TSHZ2: variants seen among roughly 807,000 people sequenced by gnomAD.
TSHZ2 encodes the protein teashirt homolog 2.
A neutral mutation model predicts 74.4 loss-of-function variants in TSHZ2; 21 were observed. The observed-to-expected ratio is 0.28, with a 90% CI of 0.20 to 0.41. TSHZ2 has a LOEUF of 0.41. TSHZ2 is among the 10% of genes least tolerant of loss of function. TSHZ2 has a pLI of 1.00. For synonymous variants in TSHZ2, 540 were observed against 515.3 expected (o/e 1.05, Z -0.65); for missense variants, 1,244 against 1,293.5 (o/e 0.96, Z 0.59).
intron 1 of TSHZ2, among the ~76,000 whole-genome samples, chr20:53,205,757 T>C (rs1989152535): frequency 6.6e-6 from 1 of 152,204 alleles, no homozygotes; most frequent in African/African-American, 2.4e-5. Context: ...AATGCCTTCA[T>C]CTGCTTCTAA....
chr20:53,412,390 T>C (rs1312452558), intron 2 of TSHZ2, among the ~76,000 whole-genome samples: 3 of 152,240 alleles, frequency 2.0e-5, no homozygotes, highest in Non-Finnish European at 4.4e-5. Context: ...AGCTGACCCA[T>C]TGTTGGTTTT....
intron 1 of TSHZ2, among the ~76,000 whole-genome samples, chr20:53,088,103 C>T (rs1176599531): frequency 6.6e-6 from 1 of 152,186 alleles, no homozygotes; most frequent in Non-Finnish European, 1.5e-5. Flanking sequence ...CATAGTTCTG[C>T]TCTGGGACTC....
At chr20:53,275,366 C>G (rs184896336) in intron 2 of TSHZ2, among the ~76,000 whole-genome samples, 28 of 152,030 alleles carry the variant, frequency 1.8e-4, no homozygotes, top group Non-Finnish European at 2.9e-5. Flanking sequence ...ATATTATGAG[C>G]CATTTTCATA....
At chr20:53,101,960 CATT>C (rs1186573671) in intron 1 of TSHZ2, among the ~76,000 whole-genome samples, 3 of 152,012 alleles carry the variant, frequency 2.0e-5, no homozygotes, top group African/African-American at 7.2e-5. Context: ...AATTTGTCCT[CATT>C]GTTGGAATAT....
intron 1 of TSHZ2, among the ~76,000 whole-genome samples, chr20:52,984,578 G>T (rs554450556): frequency 5.3e-5 from 8 of 152,154 alleles, no homozygotes; most frequent in Non-Finnish European, 7.3e-5. Context: ...CGGGGAGGGT[G>T]AGCAGGGAGG....
chr20:53,085,687 C>T (rs1985677940), intron 1 of TSHZ2, among the ~76,000 whole-genome samples: 1 of 152,142 alleles, frequency 6.6e-6, no homozygotes, highest in South Asian at 2.1e-4. Context: ...AAGGACTTTC[C>T]CCAGGATAAA....
intron 1 of TSHZ2, among the ~76,000 whole-genome samples, chr20:52,998,376 C>T (rs1476313486): frequency 6.6e-6 from 1 of 152,174 alleles, no homozygotes; most frequent in Non-Finnish European, 1.5e-5. Flanking sequence ...GCCATGTTGG[C>T]CAGGCTGGTC....
intron 1 of TSHZ2, among the ~76,000 whole-genome samples, chr20:52,980,647 A>C (rs1487712809): frequency 1.3e-5 from 2 of 152,224 alleles, no homozygotes; most frequent in Admixed American, 6.5e-5. Flanking sequence ...AATAGTTACG[A>C]AGGGCAGAAT....
chr20:53,335,876 C>T (rs1477641178), intron 2 of TSHZ2, among the ~76,000 whole-genome samples: 1 of 152,172 alleles, frequency 6.6e-6, no homozygotes, highest in Non-Finnish European at 1.5e-5. Flanking sequence ...TATTAAACAT[C>T]GCTATCACAT....
chr20:53,256,411 G>A lies in TSHZ2; in HGVS notation c.2953G>A (p.Ala985Thr). 1 of 1,614,028 alleles carries A rather than the reference G, an allele frequency of 6.2e-7. No homozygotes were observed. The highest frequency in any genetic ancestry group is 8.5e-7 in the Non-Finnish European group (1 of 1,179,902). Residue 985 changes from alanine (A) to threonine (T), a missense_variant, in exon 2 of 3, where the codon GCT (alanine) becomes ACT (threonine). Physicochemically the swap from Ala to Thr is moderately conservative, Grantham distance 58. Around this residue, in one of 6 missense-constraint regions of TSHZ2, gnomAD observed 185 missense variants for 213.3 expected, o/e 0.87. Coordinates refer to ENST00000371497, the MANE Select transcript of TSHZ2 (RefSeq NM_173485.6). This position sits in a 1 kb window ranked among gnomAD's most constrained non-coding sequence, Gnocchi z 4.3. ...GGCTCAGAGGTCTCCAGAAACAATAGCTGCCGAAGAGGACACAGACTCTAA... is the reference window on the plus strand; with the variant it reads ...GGCTCAGAGGTCTCCAGAAACAATAACTGCCGAAGAGGACACAGACTCTAA... ...SSAQRSPETI[A>T]AEEDTDSKFK...
At chr20:53,187,896 A>T (rs1346674102) in intron 1 of TSHZ2, among the ~76,000 whole-genome samples, 1 of 152,148 alleles carries the variant, frequency 6.6e-6, no homozygotes, top group Non-Finnish European at 1.5e-5. Context: ...CATCTCCAAA[A>T]GCGTGGCTCA....
chr20:53,048,039 C>G (rs1359801689), intron 1 of TSHZ2, among the ~76,000 whole-genome samples: 2 of 152,182 alleles, frequency 1.3e-5, no homozygotes, highest in African/African-American at 4.8e-5. Flanking sequence ...TCAGGCCTGT[C>G]TGCCCCCAGC....
chr20:53,147,797 A>G (rs1447340664), intron 1 of TSHZ2, among the ~76,000 whole-genome samples: 1 of 151,964 alleles, frequency 6.6e-6, no homozygotes, highest in African/African-American at 2.4e-5. Context: ...GCTCACTGCA[A>G]CCTCCACCTC....
intron 1 of TSHZ2, among the ~76,000 whole-genome samples, chr20:53,241,392 A>G (rs1990067024): frequency 6.6e-6 from 1 of 152,190 alleles, no homozygotes; most frequent in Non-Finnish European, 1.5e-5. Context: ...GAAATAGGTC[A>G]GGATTTATTT....
chr20:53,263,080 C>A (rs1006162584), intron 2 of TSHZ2, among the ~76,000 whole-genome samples: 15 of 152,148 alleles, frequency 9.9e-5, no homozygotes, highest in Non-Finnish European at 4.4e-5. Context: ...TTGCAGGAGG[C>A]ATAGAATATA....
At chr20:52,997,727 C>T (rs1370097364) in intron 1 of TSHZ2, among the ~76,000 whole-genome samples, 4 of 152,190 alleles carry the variant, frequency 2.6e-5, no homozygotes, top group Non-Finnish European at 5.9e-5. Context: ...TAGGAAAGAA[C>T]AGCAACTCCA....
At chr20:53,273,824 C>T (rs887116521) in intron 2 of TSHZ2, among the ~76,000 whole-genome samples, 2 of 152,126 alleles carry the variant, frequency 1.3e-5, no homozygotes, top group South Asian at 4.1e-4. Context: ...AAAGAAGACA[C>T]GTGTTCATGG....
intron 1 of TSHZ2, among the ~76,000 whole-genome samples, chr20:53,165,607 T>C (rs1348539396): frequency 6.6e-6 from 1 of 152,242 alleles, no homozygotes; most frequent in Non-Finnish European, 1.5e-5. Context: ...TGTGGTTAAC[T>C]GTTTGCCTGG....
intron 2 of TSHZ2, among the ~76,000 whole-genome samples, chr20:53,477,463 GA>G (rs1163764098): frequency 1.8e-5 from 1 of 54,714 alleles, no homozygotes; most frequent in Non-Finnish European, 3.2e-5. Context: ...GCCATATGTA[GA>G]AAGCTGAAAC....
Sources: gnomAD v4.1 joint callset for allele counts (sites outside exome capture counted in the v4.1 genomes callset) on GRCh38, gnomAD v4.1.1 for gene constraint, gnomAD v4.1.1 regional missense constraint, Gnocchi (gnomAD v3.1) non-coding constraint, MANE v1.5 for transcripts, NCBI Gene and HGNC (gene_info 2026-07-23, HGNC 2026-07-21) for gene names.